Variants in RILPL1 observed in about 807,000 individuals in gnomAD.
The protein encoded by RILPL1 is Rab interacting lysosomal protein like 1.
RILPL1 carries 33 observed loss-of-function variants against 50.3 expected under a neutral mutation model. That is an observed-to-expected ratio of 0.66 (90% confidence interval 0.50 to 0.88). The LOEUF is 0.88. Among genes scored for constraint, RILPL1 ranks in the 40% least tolerant of loss-of-function variants. The pLI, the probability that RILPL1 is intolerant of heterozygous loss-of-function variation, is 0.00. For missense variants in RILPL1, 418 were observed against 542.5 expected (o/e 0.77, Z 2.28); for synonymous variants, 205 against 228.6 (o/e 0.90, Z 0.93).
chr12:123,506,651 A>C (rs1883770398), intron 2 of RILPL1, among the ~76,000 whole-genome samples: 1 of 152,190 alleles, frequency 6.6e-6, no homozygotes, highest in Non-Finnish European at 1.5e-5. Context: ...GCTGCCATCG[A>C]GCCTCACGGC....
In RILPL1 at chr12:123,485,703, C is replaced by A; in HGVS notation, c.904G>T (p.Val302Leu). 4 of 1,613,672 alleles carry A rather than the reference C, an allele frequency of 2.5e-6. No individual in the cohort carries two copies. Among genetic ancestry groups the A allele is most frequent in the Non-Finnish European group, 3.4e-6 (4 of 1,179,746 alleles). Residue 302 changes from valine to leucine, a missense_variant, in exon 5 of 7, where the codon GTG becomes TTG. Coordinates refer to ENST00000376874, the MANE Select transcript of RILPL1 (RefSeq NM_178314.5). This position sits in a 1 kb window ranked among gnomAD's most constrained non-coding sequence, Gnocchi z 4.0. ...PRFTLQELRD[V>L]LHERNELKSK... is the part of the protein sequence containing the mutation. The stretch of plus-strand genomic sequence containing the variant: ...TTGAGCTCGTTCCTCTCGTGCAGCA[C>A]GTCCCGCAGCTCCTGCAGGGTGAAC...
intron 4 of RILPL1, among the ~76,000 whole-genome samples, chr12:123,497,818 G>T (rs761915302): frequency 6.6e-6 from 1 of 152,096 alleles, no homozygotes; most frequent in Non-Finnish European, 1.5e-5. Flanking sequence ...CCTCTCAAAG[G>T]GCTGGGATTA....
In RILPL1 at chr12:123,491,477, C is replaced by T. The variant is rs1238238392; in HGVS notation, c.802-5672G>A. ...CCATCCCGAGGCCTTAGGAATGCTC[C>T]TCACTGCCTGGGTGCCTCAAAGCAC... On this transcript the variant is annotated intron_variant, in intron 4 of 6. Transcript: ENST00000376874. This position sits in a 1 kb window ranked among gnomAD's most constrained non-coding sequence, Gnocchi z 4.0. Among the ~76,000 whole-genome samples, 1 of 152,206 alleles carries T rather than the reference C, an allele frequency of 6.6e-6. No individual in the cohort carries two copies. The highest frequency in any genetic ancestry group is 1.5e-5 in the Non-Finnish European group (1 of 68,026).
chr12:123,498,694 G>T lies in RILPL1; in HGVS notation c.651C>A (p.Ala217=). 1 of 1,613,610 alleles carries T rather than the reference G, an allele frequency of 6.2e-7. No homozygotes were observed. Among genetic ancestry groups the T allele is most frequent in the Non-Finnish European group, 8.5e-7 (1 of 1,179,856 alleles). The change falls in exon 4 of 7, where the codon GCC becomes GCA. Residue 217 remains alanine, a synonymous_variant. Coordinates refer to ENST00000376874, the MANE Select transcript of RILPL1 (RefSeq NM_178314.5). The surrounding 1 kb of genome is among the most constrained non-coding windows in gnomAD (Gnocchi z 4.3). ...TCTGTTCGATCAGGGCTTTCCCCTG[G>T]GCCTCCACCACCGTGACCCGGTGCC... ...DLRHRVTVVE[A]QGKALIEQKV...
chr12:123,507,537 C>T (rs1478559099), intron 2 of RILPL1, among the ~76,000 whole-genome samples: 1 of 22,004 alleles, frequency 4.5e-5, no homozygotes, highest in Non-Finnish European at 9.0e-5. Context: ...GGATTCCAGC[C>T]TGGGTTGACA....
rs1454361028 is a variant in RILPL1, at chr12:123,472,953, C to T, written c.1068-271G>A. On this transcript the variant is annotated intron_variant, in intron 6 of 6. Transcript: ENST00000376874. ...TGTGTGAGGTGTCTTCCACGTTAGC[C>T]GCTATGGAGGATTTATCCCGTTACC... is the stretch of plus-strand genomic sequence containing the variant. 9 of 367,512 alleles carry T rather than the reference C, an allele frequency of 2.4e-5. No individual in the cohort carries two copies. In the East Asian group the frequency reaches 2.9e-4, roughly 12 times the overall value. The allele number at this position is 367,512 out of a possible 1,614,324, so 22.8% of individuals were successfully genotyped here.
intron 1 of RILPL1, among the ~76,000 whole-genome samples, chr12:123,526,317 T>TAAAAATAAACTAA (rs58426654): frequency 6.6e-6 from 1 of 151,402 alleles, no homozygotes; most frequent in South Asian, 2.1e-4. Context: ...AAAAATAAAA[T>TAAAAATAAACTAA]TAAAATAAAA....
At chr12:123,475,783 G>C (rs750123587) in intron 6 of RILPL1, 7 of 1,379,350 alleles carry the variant, frequency 5.1e-6, no homozygotes, top group Non-Finnish European at 7.0e-6. Flanking sequence ...ACACAGAGAA[G>C]ATAAAAACGG....
At chr12:123,510,875 AGT>A (rs1366316589) in intron 2 of RILPL1, among the ~76,000 whole-genome samples, 13 of 65,000 alleles carry the variant, frequency 2.0e-4, no homozygotes, top group African/African-American at 5.6e-4. Context: ...GTCTGTGTGC[AGT>A]GTGTGTGTGA....
intron 4 of RILPL1, among the ~76,000 whole-genome samples, chr12:123,493,784 C>CTTT (rs34062051): frequency 2.1e-4 from 28 of 134,442 alleles, no homozygotes; most frequent in Admixed American, 6.1e-4. Flanking sequence ...GGCCCTGCCT[C>CTTT]TTTTTTTTTT....
chr12:123,484,250 G>C lies in RILPL1; in HGVS notation c.997C>G (p.Arg333Gly), dbSNP rs1271214928. Residue 333 changes from arginine (R) to glycine (G), a missense_variant, in exon 6 of 7, where the codon CGA becomes GGA. Transcript: ENST00000376874. ...YKSEEMEEEN[R>G]IPQPPPIAHP... ...GCGATGGGTGGGGGTTGGGGTATTC[G>C]GTTTTCCTCTTCCATTTCTTCACTG... 3 of 1,609,682 alleles carry C rather than the reference G, an allele frequency of 1.9e-6. No individual in the cohort carries two copies. The South Asian group carries it at 3.3e-5, about 18-fold the overall frequency.
chr12:123,523,387 A>G (rs1885136285), intron 2 of RILPL1, 108 bp downstream of exon 2: 1 of 1,313,090 alleles, frequency 7.6e-7, no homozygotes. Context: ...GGCTTTGGGA[A>G]TCAGCCAGCA....
intron 5 of RILPL1, chr12:123,484,837 T>C: frequency 3.9e-6 from 1 of 253,978 alleles, no homozygotes; most frequent in South Asian, 4.8e-5. Context: ...TAAAAATTTT[T>C]GTGTAGAGAT....
chr12:123,479,833 G>A (rs527750194), intron 6 of RILPL1, among the ~76,000 whole-genome samples: 83 of 152,316 alleles, frequency 5.4e-4, no homozygotes, highest in African/African-American at 1.9e-3. Context: ...AAGTGGGGAA[G>A]AGCTCTGAAA....
At chr12:123,480,331 T>C (rs1226780685) in intron 6 of RILPL1, among the ~76,000 whole-genome samples, 1 of 151,792 alleles carries the variant, frequency 6.6e-6, no homozygotes, top group East Asian at 1.9e-4. Context: ...TGGCTAATTT[T>C]TTTGTATTTT....
rs145048869 is a variant in RILPL1 at position 123,513,238 on chromosome 12, G to C, written c.460+10257C>G. ...TATGTGTGTGTCGTGTGTGTTTGGG[G>C]GCTGAGGTCCCATGTAGACAGAAGT... On this transcript the variant is annotated intron_variant, in intron 2 of 6. Transcript: ENST00000376874. 3 of 256,008 alleles carry C rather than the reference G, an allele frequency of 1.2e-5. No individual in the cohort carries two copies. The East Asian group carries it at 3.8e-4, about 32-fold the overall frequency. The allele number at this position is 256,008 out of a possible 1,614,324, so 15.9% of individuals were successfully genotyped here. A position where few individuals can be genotyped will look rare whatever the true frequency, so the allele number is the denominator to read the frequency against.
At chr12:123,507,953 G>GAAAAAAAAAAAAAAAAA (rs56309765) in intron 2 of RILPL1, among the ~76,000 whole-genome samples, 1 of 115,012 alleles carries the variant, frequency 8.7e-6, no homozygotes, top group Non-Finnish European at 1.8e-5. Flanking sequence ...AAAAAAAAAA[G>GAAAAAAAAAAAAAAAAA]AAAAAAAAAA....
rs1881275947 is a variant in RILPL1 at position 123,472,696 on chromosome 12, AG to A, written c.1068-15del. The A allele has an allele frequency of 6.3e-7, 1 of 1,589,606 alleles. No homozygotes were observed. The highest frequency in any genetic ancestry group is 1.1e-5 in the South Asian group (1 of 87,112). Reference sequence around the variant, plus strand: ...AAGAAGCTAAACCTTTGGAAGGGAAAGCAAACACAGAAATGAGAGCTGACCC... The same window carrying A: ...AAGAAGCTAAACCTTTGGAAGGGAAACAAACACAGAAATGAGAGCTGACCC... On this transcript the variant is annotated splice_polypyrimidine_tract_variant and intron_variant, in intron 6 of 6. Transcript: ENST00000376874.
chr12:123,516,298 A>G (rs1285184088), intron 2 of RILPL1, among the ~76,000 whole-genome samples: 1 of 152,224 alleles, frequency 6.6e-6, no homozygotes, highest in East Asian at 1.9e-4. Flanking sequence ...TTGCTACCTC[A>G]GGCATCCTGG....
Sources: gnomAD v4.1 joint callset for allele counts (sites outside exome capture counted in the v4.1 genomes callset) on GRCh38, gnomAD v4.1.1 for gene constraint, Gnocchi (gnomAD v3.1) non-coding constraint, MANE v1.5 for transcripts, NCBI Gene and HGNC (gene_info 2026-07-23, HGNC 2026-07-21) for gene names.